The following BTBD9 variants were observed in gnomAD, a reference collection of about 807,000 sequenced individuals.
The protein encoded by BTBD9 is BTB/POZ domain-containing protein 9.
In BTBD9, 49 loss-of-function variants were observed where a neutral mutation model predicts 64.3. The ratio of observed to expected loss-of-function variants is 0.76; its 90% CI spans 0.61 to 0.97. The LOEUF (loss-of-function observed/expected upper bound fraction) is 0.97, where lower values mean the gene tolerates loss of function less well. BTBD9 is among the 50% of genes least tolerant of loss of function. The pLI, the probability that BTBD9 is intolerant of heterozygous loss-of-function variation, is 0.00. For missense variants in BTBD9, 598 were observed against 762.1 expected (o/e 0.78, Z 2.53); for synonymous variants, 260 against 274.7 (o/e 0.95, Z 0.53).
At chr6:38,528,514 G>A (rs1252135588) in intron 6 of BTBD9, among the ~76,000 whole-genome samples, 1 of 152,186 alleles carries the variant, frequency 6.6e-6, no homozygotes. Flanking sequence ...CTCTCAGAGA[G>A]ACTTCTTACC....
chr6:38,293,420 A>C (rs1438982925), intron 7 of BTBD9, among the ~76,000 whole-genome samples: 2 of 152,218 alleles, frequency 1.3e-5, no homozygotes, highest in Non-Finnish European at 2.9e-5. Context: ...TTCAAACTAC[A>C]CTACAAAGCT....
intron 1 of BTBD9, among the ~76,000 whole-genome samples, chr6:38,608,747 T>C (rs1777509243): frequency 6.6e-6 from 1 of 152,182 alleles, no homozygotes; most frequent in Non-Finnish European, 1.5e-5. Flanking sequence ...TCTGAGAAAT[T>C]TGTACAACAT....
chr6:38,552,255 G>A (rs1039179761), intron 6 of BTBD9, among the ~76,000 whole-genome samples: 3 of 152,308 alleles, frequency 2.0e-5, no homozygotes, highest in African/African-American at 7.2e-5. Context: ...ATCGGAAGCA[G>A]TGTCCAGCAT....
chr6:38,257,193 G>A (rs954434330), intron 8 of BTBD9, among the ~76,000 whole-genome samples: 12 of 149,848 alleles, frequency 8.0e-5, no homozygotes, highest in Admixed American at 2.7e-4. Flanking sequence ...GCGAGCCACC[G>A]TGCCCAGCCT....
At chr6:38,274,780 C>T (rs1488095018) in intron 8 of BTBD9, among the ~76,000 whole-genome samples, 1 of 151,988 alleles carries the variant, frequency 6.6e-6, no homozygotes, top group East Asian at 1.9e-4. Context: ...ATTCGGTTTG[C>T]CAGTATTTTA....
intron 9 of BTBD9, among the ~76,000 whole-genome samples, chr6:38,211,023 T>C (rs1762815219): frequency 6.6e-6 from 1 of 152,126 alleles, no homozygotes. Context: ...TCAGAGCCTT[T>C]GTTGGTTTTC....
At position 38,588,102 on chromosome 6, in the gene BTBD9, C is replaced by T. The variant is rs1035494021; in HGVS notation, c.814+4474G>A. 4 of 734,876 alleles carry T rather than the reference C, an allele frequency of 5.4e-6. No homozygotes were observed. In the Admixed American group the frequency reaches 7.4e-5, roughly 14 times the overall value. The allele number at this position is 734,876 out of a possible 1,614,324, so 45.5% of individuals were successfully genotyped here. On this transcript the variant is annotated intron_variant, in intron 4 of 10. Transcript: ENST00000481247. ...CAGCAACAGGCTAGCTATGGTGCAC[C>T]GTGTCTGCGGGCTCTACCTCAGCAG...
At position 38,626,610 on chromosome 6, in the gene BTBD9, G is replaced by C. The variant is rs577298497; in HGVS notation, c.-28+13190C>G. The stretch of plus-strand genomic sequence containing the variant: ...TCCTTCCCAGCTCCACCTGAATTAG[G>C]TCAATTCTTATCATAAAGGAGCCAC... On this transcript the variant is annotated intron_variant, in intron 1 of 10. Coordinates refer to ENST00000481247, the MANE Select transcript of BTBD9 (RefSeq NM_001099272.2). 2.6e-5 allele frequency among the ~76,000 whole-genome samples: 4 copies of C among 152,218 alleles called. No individual in the cohort carries two copies. The South Asian group carries it at 8.3e-4, about 32-fold the overall frequency.
In BTBD9 at chr6:38,205,879, C is replaced by CAAA. The variant is rs772167899; in HGVS notation, c.1563-13285_1563-13283dup. ...AGCCTGAGAGAGCAGGAGTCTGTCT[C>CAAA]AAAAAAAAAAAAGAAAGAAAGAAAG... On this transcript the variant is annotated intron_variant, in intron 9 of 10. Coordinates refer to ENST00000481247, the MANE Select transcript of BTBD9 (RefSeq NM_001099272.2). Among the ~76,000 whole-genome samples the CAAA allele has an allele frequency of 1.9e-3, 92 of 47,286 alleles. 8 individuals are homozygous for CAAA. Among genetic ancestry groups the CAAA allele is most frequent in the Admixed American group, 5.4e-3 (20 of 3,678 alleles). The allele number at this position is 47,286 out of a possible 152,430, so 31.0% of individuals were successfully genotyped here. A position where few individuals can be genotyped will look rare whatever the true frequency, so the allele number is the denominator to read the frequency against.
intron 6 of BTBD9, among the ~76,000 whole-genome samples, chr6:38,424,058 C>CTAGG (rs1208572462): frequency 6.6e-6 from 1 of 151,766 alleles, no homozygotes; most frequent in Non-Finnish European, 1.5e-5. Context: ...AGCATCTAGG[C>CTAGG]TAGGTACCCA....
At chr6:38,306,327 T>C (rs1297302841) in intron 7 of BTBD9, among the ~76,000 whole-genome samples, 1 of 152,240 alleles carries the variant, frequency 6.6e-6, no homozygotes, top group Admixed American at 6.5e-5. Flanking sequence ...TGTATCTGTC[T>C]CTTTCTGGTG....
intron 1 of BTBD9, among the ~76,000 whole-genome samples, chr6:38,599,565 C>T (rs188364159): frequency 2.6e-5 from 4 of 152,314 alleles, no homozygotes; most frequent in East Asian, 1.9e-4. Context: ...TAGCCAGCTA[C>T]GCCTCTGCTG....
Position 38,528,719 on chromosome 6 carries a change from G to C in BTBD9, c.1154+48881C>G, listed in dbSNP as rs117813642. The stretch of plus-strand genomic sequence containing the variant: ...TGAAGGGAAGGACCCAGTCCTGGCA[G>C]AATTCATTACCTGCTGACTAAAGAG... On this transcript the variant is annotated intron_variant, in intron 6 of 10. Transcript: ENST00000481247. 2.0e-3 allele frequency among the ~76,000 whole-genome samples: 300 copies of C among 152,274 alleles called. 6 individuals carry two copies. In the East Asian group the frequency reaches 0.037, roughly 19 times the overall value.
At chr6:38,405,412 T>G (rs1263758206) in intron 6 of BTBD9, among the ~76,000 whole-genome samples, 1 of 152,134 alleles carries the variant, frequency 6.6e-6, no homozygotes, top group Non-Finnish European at 1.5e-5. Context: ...AAGAATAGCT[T>G]CTAGAAAAGC....
intron 6 of BTBD9, among the ~76,000 whole-genome samples, chr6:38,375,353 C>T (rs1369512577): frequency 6.6e-6 from 1 of 152,152 alleles, no homozygotes; most frequent in Non-Finnish European, 1.5e-5. Context: ...ACTAAGCAAT[C>T]ATAAAATGCA....
At chr6:38,194,989 T>A (rs554131706) in intron 9 of BTBD9, among the ~76,000 whole-genome samples, 1 of 152,332 alleles carries the variant, frequency 6.6e-6, no homozygotes, top group South Asian at 2.1e-4. Flanking sequence ...CACACTGGAC[T>A]TCAGCCTGAG....
chr6:38,285,230 A>T (rs1209153732), intron 8 of BTBD9, among the ~76,000 whole-genome samples: 1 of 152,180 alleles, frequency 6.6e-6, no homozygotes, highest in Non-Finnish European at 1.5e-5. Flanking sequence ...ACTATTGTGC[A>T]ACTATGGTAA....
At chr6:38,555,922 G>A (rs1176557684) in intron 6 of BTBD9, among the ~76,000 whole-genome samples, 1 of 152,184 alleles carries the variant, frequency 6.6e-6, no homozygotes. Flanking sequence ...CGAACAATCA[G>A]TAAAACACTA....
rs184926361 is a variant in BTBD9, at chr6:38,175,641, G to T, written c.1642-459C>A. 6.3e-3 allele frequency among the ~76,000 whole-genome samples: 966 copies of T among 152,308 alleles called. 3 individuals carry two copies. Among genetic ancestry groups the T allele is most frequent in the Non-Finnish European group, 0.01 (711 of 68,020 alleles). ...AACGTCCACCATCTGTGTGGCATCT[G>T]CGTGGGTTGTCTCTGGGTATTCTGG... On this transcript the variant is annotated intron_variant, in intron 10 of 10. Coordinates refer to ENST00000481247, the MANE Select transcript of BTBD9 (RefSeq NM_001099272.2).
Sources: allele counts gnomAD v4.1 joint callset (sites outside exome capture counted in the v4.1 genomes callset), GRCh38; gene constraint gnomAD v4.1.1; transcripts MANE v1.5; gene names NCBI Gene and HGNC (gene_info 2026-07-23, HGNC 2026-07-21).